The following CNST variants were observed in gnomAD, a reference collection of about 807,000 sequenced individuals.
The protein encoded by CNST is consortin.
CNST carries 39 observed loss-of-function variants against 72.4 expected under a neutral mutation model. That is an observed-to-expected ratio of 0.54 (90% CI 0.42 to 0.70). The LOEUF (loss-of-function observed/expected upper bound fraction) is 0.70. Among genes scored for constraint, CNST ranks in the 30% least tolerant of loss-of-function variants. The pLI is 0.00. For synonymous variants in CNST, 332 were observed against 320.1 expected, an observed-to-expected ratio of 1.04 and a Z score of -0.40; for missense variants, 871 against 868.5, an observed-to-expected ratio of 1.00 and a Z score of -0.04.
At position 246,621,465 on chromosome 1, in the gene CNST, A is replaced by C; in HGVS notation, c.416A>C (p.Glu139Ala). 6.2e-7 allele frequency: 1 copy of C among 1,614,052 alleles called. No individual in the cohort carries two copies. Among genetic ancestry groups the C allele is most frequent in the Middle Eastern group, 1.6e-4 (1 of 6,062 alleles). The change falls in exon 3 of 11, where the codon GAA (glutamate) becomes GCA (alanine). Residue 139 changes from glutamate to alanine, a missense_variant. Coordinates refer to ENST00000366513, the MANE Select transcript of CNST (RefSeq NM_152609.3). ...FSGDIAPLMQ[E>A]KVLSAVTYAV... ...GGAGATATTGCACCTTTAATGCAAGAAAAAGTACTAAGCGCAGTCACATAT... is the reference window on the plus strand; with the variant it reads ...GGAGATATTGCACCTTTAATGCAAGCAAAAGTACTAAGCGCAGTCACATAT...
At chr1:246,574,881 GTATTT>G (rs1660294647) in intron 1 of CNST, among the ~76,000 whole-genome samples, 1 of 151,902 alleles carries the variant, frequency 6.6e-6, no homozygotes, top group African/African-American at 2.4e-5. Flanking sequence ...ATTTTTAGTA[GTATTT>G]TATTTAAAAC....
Position 246,601,123 on chromosome 1 carries a change from C to T in CNST, c.379+9182C>T, listed in dbSNP as rs1025016132. ...GGTTTCAAGACCAGCCTGGGCAACACAGTAGGACCTGGTCTTTTCAAAAAA... is the reference window on the plus strand; with the variant it reads ...GGTTTCAAGACCAGCCTGGGCAACATAGTAGGACCTGGTCTTTTCAAAAAA... On this transcript the variant is annotated intron_variant, in intron 2 of 10. Coordinates refer to ENST00000366513, the MANE Select transcript of CNST (RefSeq NM_152609.3). Among the ~76,000 whole-genome samples the T allele has an allele frequency of 8.6e-5, 13 of 151,386 alleles. 1 individual carries two copies. The highest frequency in any genetic ancestry group is 7.9e-4 in the Admixed American group (12 of 15,192).
At chr1:246,610,843 A>G (rs1663268487) in intron 2 of CNST, among the ~76,000 whole-genome samples, 1 of 151,632 alleles carries the variant, frequency 6.6e-6, no homozygotes, top group Non-Finnish European at 1.5e-5. Flanking sequence ...TACCACAAAC[A>G]TTTTTGAATG....
At chr1:246,605,205 G>A (rs762241516) in intron 2 of CNST, among the ~76,000 whole-genome samples, 1 of 152,158 alleles carries the variant, frequency 6.6e-6, no homozygotes. Context: ...TACTTCCAAT[G>A]GATAAACAAT....
At chr1:246,640,760 G>A (rs1190756361) in intron 6 of CNST, among the ~76,000 whole-genome samples, 1 of 152,134 alleles carries the variant, frequency 6.6e-6, no homozygotes, top group African/African-American at 2.4e-5. Context: ...TATTGAACAT[G>A]ACATGAGCAT....
At chr1:246,598,149 A>ATT (rs56847805) in intron 2 of CNST, among the ~76,000 whole-genome samples, 1,936 of 135,566 alleles carry the variant, frequency 0.014, 16 homozygotes, top group Middle Eastern at 0.03. Flanking sequence ...GCTCAGCTGA[A>ATT]TTTTTTTTTT....
At chr1:246,655,812 C>T (rs2103155091) in intron 9 of CNST, among the ~76,000 whole-genome samples, 1 of 152,270 alleles carries the variant, frequency 6.6e-6, no homozygotes, top group South Asian at 2.1e-4. Flanking sequence ...GAAGCTTGGC[C>T]TCTTCGTCTG....
At chr1:246,648,748 T>A (rs1167726899) in intron 9 of CNST, among the ~76,000 whole-genome samples, 1 of 152,224 alleles carries the variant, frequency 6.6e-6, no homozygotes, top group African/African-American at 2.4e-5. Context: ...TTTACCTCTG[T>A]AAGCCTGTTT....
rs993890203 is a variant in CNST at position 246,634,594 on chromosome 1, A to G, written c.818+7A>G. The G allele has an allele frequency of 1.3e-6, 2 of 1,481,822 alleles. No homozygotes were observed. Among genetic ancestry groups the G allele is most frequent in the Non-Finnish European group, 9.3e-7 (1 of 1,076,736 alleles). 91.8% of individuals were successfully genotyped at this position (1,481,822 alleles called of 1,614,324 possible). ...TTTGTGCAACACATCAAGAGTAAGT[A>G]TATCAGAATTTCGTTAGAATGAGTT... is the stretch of plus-strand genomic sequence containing the variant. On this transcript the variant is annotated splice_region_variant and intron_variant, in intron 6 of 10. Transcript: ENST00000366513.
At chr1:246,650,137 G>A (rs1215639692) in intron 9 of CNST, among the ~76,000 whole-genome samples, 1 of 152,024 alleles carries the variant, frequency 6.6e-6, no homozygotes. Context: ...AATATTTTAA[G>A]GTGGCAGATT....
intron 1 of CNST, among the ~76,000 whole-genome samples, chr1:246,582,232 A>G (rs1237504361): frequency 1.3e-5 from 2 of 152,080 alleles, no homozygotes; most frequent in African/African-American, 2.4e-5. Flanking sequence ...ACTGTATTCT[A>G]TCTCTCACCA....
intron 9 of CNST, among the ~76,000 whole-genome samples, chr1:246,651,109 G>C (rs1182267320): frequency 6.6e-6 from 1 of 152,004 alleles, no homozygotes; most frequent in Non-Finnish European, 1.5e-5. Context: ...GTCACACTTG[G>C]CTGATTTTAC....
intron 8 of CNST, among the ~76,000 whole-genome samples, chr1:246,644,172 G>A (rs549859269): frequency 1.2e-4 from 18 of 152,134 alleles, no homozygotes; most frequent in Admixed American, 5.9e-4. Context: ...AGGCCGAGGC[G>A]GGCGGTTCAC....
At chr1:246,596,397 CAAAAAAAAAAAAAGAA>C (rs1661885687) in intron 2 of CNST, among the ~76,000 whole-genome samples, 2 of 110,388 alleles carry the variant, frequency 1.8e-5, no homozygotes, top group African/African-American at 6.7e-5. Context: ...GATCCTGTCT[CAAAAAAAAAAAAAGAA>C]AAAGAAAAAA....
intron 6 of CNST, among the ~76,000 whole-genome samples, chr1:246,635,157 C>T (rs1039502287): frequency 3.3e-5 from 5 of 152,216 alleles, no homozygotes; most frequent in African/African-American, 1.2e-4. Flanking sequence ...AAAGGGGCAA[C>T]TTTCTCCATA....
In CNST at chr1:246,647,801, G is replaced by A; in HGVS notation, c.1600G>A (p.Gly534Arg). 1 of 1,614,156 alleles carries A rather than the reference G, an allele frequency of 6.2e-7. No homozygotes were observed. The highest frequency in any genetic ancestry group is 8.5e-7 in the Non-Finnish European group (1 of 1,180,020). The change falls in exon 9 of 11, where the codon GGA becomes AGA. Residue 534 changes from glycine to arginine, a missense_variant. Physicochemically the swap from Gly to Arg is moderately radical, Grantham distance 125. Transcript: ENST00000366513. ...GGTGTGTATGGCCCCAGAGGAAAAGGGAGATAAAGACGACCAACTCAACAA... is the reference window on the plus strand; with the variant it reads ...GGTGTGTATGGCCCCAGAGGAAAAGAGAGATAAAGACGACCAACTCAACAA... ...PEVCMAPEEK[G>R]DKDDQLNKET...
In CNST at chr1:246,631,930, CT is replaced by C; in HGVS notation, c.616+10del. 1 of 1,519,918 alleles carries C rather than the reference CT, an allele frequency of 6.6e-7. No homozygotes were observed. 94.2% of individuals were successfully genotyped at this position (1,519,918 alleles called of 1,614,324 possible). A position where few individuals can be genotyped will look rare whatever the true frequency, so the allele number is the denominator to read the frequency against. ...CTATTTCCAGGAGGAGGACTGTATC[CT>C]TTTCTTAATTACAGGAAGAAATTTT... is the stretch of plus-strand genomic sequence containing the variant. On this transcript the variant is annotated splice_region_variant and intron_variant, in intron 4 of 10. Coordinates refer to ENST00000366513, the MANE Select transcript of CNST (RefSeq NM_152609.3).
intron 2 of CNST, among the ~76,000 whole-genome samples, chr1:246,608,880 T>C (rs1286978441): frequency 2.0e-5 from 3 of 152,236 alleles, no homozygotes; most frequent in African/African-American, 7.2e-5. Context: ...AGTGTCGCCA[T>C]GTTGTATGCC....
At chr1:246,596,648 G>GT (rs1302859512) in intron 2 of CNST, among the ~76,000 whole-genome samples, 19 of 152,130 alleles carry the variant, frequency 1.2e-4, no homozygotes, top group Admixed American at 9.2e-4. Flanking sequence ...ACAGGGATGT[G>GT]TAACCATCAG....
Sources: gnomAD v4.1 joint callset for allele counts (sites outside exome capture counted in the v4.1 genomes callset) on GRCh38, gnomAD v4.1.1 for gene constraint, MANE v1.5 for transcripts, NCBI Gene and HGNC (gene_info 2026-07-23, HGNC 2026-07-21) for gene names.